Variants in SAMMSON observed in about 807,000 individuals in gnomAD.
SAMMSON encodes long intergenic non-protein coding RNA 1212.
At chr3:70,124,814 C>CAAAAAAAAAAAAAAAAAAAAAAAAAAAAA (rs1208323683) in intron 4 of SAMMSON, among the ~76,000 whole-genome samples, 1 of 53,692 alleles carries the variant, frequency 1.9e-5, no homozygotes, top group African/African-American at 7.3e-5. Context: ...GACTCCATCT[C>CAAAAAAAAAAAAAAAAAAAAAAAAAAAAA]AAAAAAAAAA....
At chr3:70,337,475 G>A (rs971037901) in intron 7 of SAMMSON, among the ~76,000 whole-genome samples, 1 of 151,594 alleles carries the variant, frequency 6.6e-6, no homozygotes, top group African/African-American at 2.4e-5. Flanking sequence ...TTTCTCTAGG[G>A]AAAAGCAGCA....
intron 4 of SAMMSON, among the ~76,000 whole-genome samples, chr3:70,079,854 G>A (rs563902414): frequency 1.3e-5 from 2 of 152,288 alleles, no homozygotes; most frequent in South Asian, 4.1e-4. Context: ...TTAACCATCA[G>A]TGCACCAAGC....
chr3:70,222,103 C>T (rs988644588), intron 4 of SAMMSON, among the ~76,000 whole-genome samples: 1 of 152,100 alleles, frequency 6.6e-6, no homozygotes, highest in Non-Finnish European at 1.5e-5. Context: ...TAGGTTTCTC[C>T]CAGTGCTTTT....
chr3:70,080,210 A>G (rs1440039248), intron 4 of SAMMSON, among the ~76,000 whole-genome samples: 3 of 152,202 alleles, frequency 2.0e-5, no homozygotes, highest in Non-Finnish European at 4.4e-5. Context: ...AACGAGTTGT[A>G]CAACCCTTCT....
intron 4 of SAMMSON, among the ~76,000 whole-genome samples, chr3:70,116,327 A>T (rs2067411233): frequency 7.6e-6 from 1 of 131,448 alleles, no homozygotes; most frequent in South Asian, 2.5e-4. Context: ...AATAGTCTGC[A>T]TTGCCCTTTT....
intron 4 of SAMMSON, among the ~76,000 whole-genome samples, chr3:70,185,186 C>A (rs1345488024): frequency 3.3e-5 from 5 of 152,134 alleles, no homozygotes; most frequent in African/African-American, 1.2e-4. Context: ...TCAGACTCCA[C>A]AGAACACGGA....
intron 9 of SAMMSON, among the ~76,000 whole-genome samples, chr3:70,376,646 CA>C (rs1197021835): frequency 6.6e-6 from 1 of 152,100 alleles, no homozygotes. Flanking sequence ...CGACCTCTTT[CA>C]GTAGGCAAAA....
At chr3:70,007,686 A>G (rs921712276) in intron 1 of SAMMSON, among the ~76,000 whole-genome samples, 30 of 151,716 alleles carry the variant, frequency 2.0e-4, no homozygotes, top group African/African-American at 7.3e-4. Flanking sequence ...TTTTGTTGCC[A>G]TTGCTTTTGG....
chr3:70,228,020 A>G (rs920980972), intron 4 of SAMMSON, among the ~76,000 whole-genome samples: 4 of 151,512 alleles, frequency 2.6e-5, no homozygotes, highest in East Asian at 1.9e-4. Context: ...TAATAGTAAT[A>G]TAATAAGCAA....
chr3:70,172,271 C>CTTTTTT (rs5742405), intron 4 of SAMMSON: 3 of 135,018 alleles, frequency 2.2e-5, no homozygotes, highest in Non-Finnish European at 1.6e-5. Flanking sequence ...CATTAGTGGT[C>CTTTTTT]TTTTTTTTTT....
intron 6 of SAMMSON, among the ~76,000 whole-genome samples, chr3:70,252,525 T>G (rs1701779172): frequency 6.6e-6 from 1 of 152,124 alleles, no homozygotes; most frequent in Non-Finnish European, 1.5e-5. Context: ...AGGTTACAAT[T>G]GCAAAAGCTA....
intron 3 of SAMMSON, among the ~76,000 whole-genome samples, chr3:70,031,529 G>A (rs2067066122): frequency 6.6e-6 from 1 of 152,120 alleles, no homozygotes; most frequent in African/African-American, 2.4e-5. Flanking sequence ...TGTTAAAACA[G>A]TAAATTTTAT....
intron 2 of SAMMSON, among the ~76,000 whole-genome samples, chr3:70,425,392 A>G (rs1224991359): frequency 1.3e-5 from 2 of 151,016 alleles, no homozygotes; most frequent in South Asian, 2.1e-4. Context: ...CAAGTTGTCT[A>G]TTTTTTTATT....
At chr3:70,327,369 CAA>C (rs1252886179) in intron 7 of SAMMSON, among the ~76,000 whole-genome samples, 1 of 152,132 alleles carries the variant, frequency 6.6e-6, no homozygotes, top group Non-Finnish European at 1.5e-5. Flanking sequence ...GGAAGGAAAA[CAA>C]GAGGAACTCT....
At chr3:70,378,265 A>G (rs1703037596) in intron 9 of SAMMSON, among the ~76,000 whole-genome samples, 1 of 151,984 alleles carries the variant, frequency 6.6e-6, no homozygotes, top group Non-Finnish European at 1.5e-5. Flanking sequence ...GAAATATCAC[A>G]CCACTAATAA....
chr3:70,299,842 GTT>G (rs1702329828), intron 7 of SAMMSON, among the ~76,000 whole-genome samples: 1 of 151,946 alleles, frequency 6.6e-6, no homozygotes, highest in Non-Finnish European at 1.5e-5. Context: ...GCTTCCCTTT[GTT>G]TAATAACATT....
At chr3:70,428,033 AG>A (rs1037032401) in intron 2 of SAMMSON, among the ~76,000 whole-genome samples, 4 of 152,186 alleles carry the variant, frequency 2.6e-5, no homozygotes, top group African/African-American at 9.6e-5. Context: ...TGTAGCGTAA[AG>A]TTGGCAAAAT....
At chr3:70,247,792 A>G (rs552496078) in intron 4 of SAMMSON, among the ~76,000 whole-genome samples, 3 of 152,132 alleles carry the variant, frequency 2.0e-5, no homozygotes, top group African/African-American at 7.2e-5. Context: ...AGGAAGATTC[A>G]AGGTTTCAAA....
chr3:70,000,160 T>G (rs563778998), intron 1 of SAMMSON, among the ~76,000 whole-genome samples: 1 of 152,272 alleles, frequency 6.6e-6, no homozygotes, highest in South Asian at 2.1e-4. Flanking sequence ...ACACGCCTGC[T>G]GGGGCTTCAG....
Sources: allele counts gnomAD v4.1 joint callset (sites outside exome capture counted in the v4.1 genomes callset), GRCh38; gene constraint gnomAD v4.1.1; transcripts MANE v1.5; gene names NCBI Gene and HGNC (gene_info 2026-07-23, HGNC 2026-07-21).